FER1L6: variants seen among roughly 807,000 people sequenced by gnomAD.
FER1L6 encodes fer-1-like protein 6.
Under a neutral mutation model 219.2 loss-of-function variants are expected in FER1L6, and 177 were observed. The observed-to-expected ratio is 0.81, with a 90% confidence interval of 0.71 to 0.91. The LOEUF (loss-of-function observed/expected upper bound fraction) is 0.91, where lower values mean the gene tolerates loss of function less well. Ranked by LOEUF, FER1L6 falls within the 40% of genes least tolerant of loss-of-function variation. The pLI, the probability that FER1L6 is intolerant of heterozygous loss-of-function variation, is 0.00. For synonymous variants in FER1L6, 768 were observed against 824.3 expected (o/e 0.93, Z 1.17); for missense variants, 2,153 against 2,259.9 (o/e 0.95, Z 0.96).
chr8:124,072,166 GA>G (rs1821107770), intron 31 of FER1L6, among the ~76,000 whole-genome samples: 1 of 152,190 alleles, frequency 6.6e-6, no homozygotes, highest in Admixed American at 6.5e-5. Flanking sequence ...AGGGAAGCAG[GA>G]AACTACAGGA....
intron 1 of FER1L6, among the ~76,000 whole-genome samples, chr8:123,940,422 C>T (rs1814191795): frequency 6.6e-6 from 1 of 152,146 alleles, no homozygotes; most frequent in African/African-American, 2.4e-5. Context: ...ACTGCAACCT[C>T]CGCCTCCCAA....
intron 11 of FER1L6, among the ~76,000 whole-genome samples, chr8:123,981,023 C>T (rs1187223014): frequency 2.6e-5 from 4 of 152,154 alleles, no homozygotes; most frequent in African/African-American, 9.7e-5. Flanking sequence ...TTTGAATCCC[C>T]CACTCCCCCA....
chr8:124,005,029 T>C (rs1176364296), intron 13 of FER1L6, among the ~76,000 whole-genome samples: 1 of 152,072 alleles, frequency 6.6e-6, no homozygotes, highest in Non-Finnish European at 1.5e-5. Flanking sequence ...AACTGTTCTC[T>C]TTTCCTTCCT....
intron 1 of FER1L6, among the ~76,000 whole-genome samples, chr8:123,878,421 T>C (rs528504521): frequency 4.6e-5 from 7 of 152,318 alleles, no homozygotes; most frequent in African/African-American, 1.7e-4. Context: ...AATTTCATCA[T>C]TGTGGCCCAA....
intron 20 of FER1L6, among the ~76,000 whole-genome samples, chr8:124,043,651 C>T (rs759066535): frequency 5.9e-5 from 9 of 151,992 alleles, no homozygotes; most frequent in Non-Finnish European, 1.0e-4. Flanking sequence ...GCGTGGATTT[C>T]GACTGAGGCA....
chr8:124,073,806 A>G (rs1361290675), intron 31 of FER1L6, among the ~76,000 whole-genome samples: 2 of 152,242 alleles, frequency 1.3e-5, no homozygotes, highest in Non-Finnish European at 2.9e-5. Context: ...TTAAGAAGAT[A>G]TAAAATAAAC....
intron 33 of FER1L6, among the ~76,000 whole-genome samples, chr8:124,087,099 C>T (rs1260959180): frequency 1.3e-5 from 2 of 152,040 alleles, no homozygotes; most frequent in African/African-American, 4.8e-5. Context: ...GTTCTATAAC[C>T]TTCTTGTACT....
Position 123,853,167 on chromosome 8 carries a change from CT to C in FER1L6, c.-8+989del, listed in dbSNP as rs113010872. On this transcript the variant is annotated intron_variant, in intron 1 of 40. Coordinates refer to ENST00000522917, the MANE Select transcript of FER1L6 (RefSeq NM_001039112.2). This position sits in a 1 kb window ranked among gnomAD's most constrained non-coding sequence, Gnocchi z 6.6. ...CCTCAGACTTTAAAATAGACGAAAT[CT>C]TTTTTTGAGACAGTCTCACTCTATA... is the stretch of plus-strand genomic sequence containing the variant. Among the ~76,000 whole-genome samples the C allele has an allele frequency of 6.6e-6, 1 of 151,652 alleles. No homozygotes were observed. The highest frequency in any genetic ancestry group is 1.5e-5 in the Non-Finnish European group (1 of 67,916).
Position 124,070,602 on chromosome 8 carries a change from G to A in FER1L6, c.3966+4G>A. 1.9e-6 allele frequency: 3 copies of A among 1,572,012 alleles called. No individual in the cohort carries two copies. Among genetic ancestry groups the A allele is most frequent in the Middle Eastern group, 1.7e-4 (1 of 5,826 alleles). On this transcript the variant is annotated splice_donor_region_variant and intron_variant, in intron 30 of 40. Coordinates refer to ENST00000522917, the MANE Select transcript of FER1L6 (RefSeq NM_001039112.2). ...CCGAGTCATAGGAAAATTTAAGGCA[G>A]GTTCCATTTTTAATCCTTTTATTTG... is the stretch of plus-strand genomic sequence containing the variant.
chr8:123,886,392 G>A (rs1817203550), intron 1 of FER1L6, among the ~76,000 whole-genome samples: 1 of 152,162 alleles, frequency 6.6e-6, no homozygotes, highest in African/African-American at 2.4e-5. Flanking sequence ...ATTATTCTCT[G>A]AGAGAGTGAG....
At position 124,061,861 on chromosome 8, in the gene FER1L6, G is replaced by A. The variant is rs1221283360; in HGVS notation, c.3157G>A (p.Glu1053Lys). Reference protein sequence around the residue: ...QADAFEVELPENELLHPPLSI... With the variant: ...QADAFEVELPKNELLHPPLSI... ...CATCCTCTCTCTGCAGGAACTGCCTGAGAACGAGCTTCTGCACCCGCCACT... is the reference window on the plus strand; with the variant it reads ...CATCCTCTCTCTGCAGGAACTGCCTAAGAACGAGCTTCTGCACCCGCCACT... The change falls in exon 25 of 41, where the codon GAG (glutamate) becomes AAG (lysine). Residue 1053 changes from glutamate (E) to lysine (K), a missense_variant. Transcript: ENST00000522917. 2 of 1,613,480 alleles carry A rather than the reference G, an allele frequency of 1.2e-6. No individual in the cohort carries two copies. The highest frequency in any genetic ancestry group is 1.7e-6 in the Non-Finnish European group (2 of 1,179,982).
At chr8:123,855,788 G>GTGTA (rs1350214704) in intron 1 of FER1L6, among the ~76,000 whole-genome samples, 1 of 143,878 alleles carries the variant, frequency 7.0e-6, no homozygotes, top group Non-Finnish European at 1.5e-5. Context: ...GTGTGTGTGT[G>GTGTA]TATATATATA....
chr8:123,960,905 A>G (rs1402402774), intron 2 of FER1L6, among the ~76,000 whole-genome samples: 2 of 152,184 alleles, frequency 1.3e-5, no homozygotes, highest in East Asian at 1.9e-4. Flanking sequence ...GCTACTCAAA[A>G]TTGACCTGCA....
chr8:124,030,865 C>T (rs1818932168), intron 18 of FER1L6, among the ~76,000 whole-genome samples: 1 of 152,160 alleles, frequency 6.6e-6, no homozygotes, highest in Non-Finnish European at 1.5e-5. Flanking sequence ...CCTTCTCTCA[C>T]TTGCCAAGAC....
intron 18 of FER1L6, among the ~76,000 whole-genome samples, chr8:124,033,487 C>T (rs1819060374): frequency 6.6e-6 from 1 of 151,772 alleles, no homozygotes; most frequent in African/African-American, 2.4e-5. Flanking sequence ...ACAAAATAAA[C>T]TTACTTGATT....
intron 1 of FER1L6, among the ~76,000 whole-genome samples, chr8:123,950,793 G>A (rs1372853232): frequency 1.3e-5 from 2 of 152,116 alleles, no homozygotes; most frequent in Non-Finnish European, 2.9e-5. Flanking sequence ...AGAATGAACT[G>A]CCTCCCGTGA....
chr8:124,046,156 C>T (rs1563763708), intron 21 of FER1L6: 2 of 392,306 alleles, frequency 5.1e-6, no homozygotes, highest in South Asian at 3.9e-5. Flanking sequence ...GTTTACAGAA[C>T]GTCAGTCTAC....
At chr8:123,886,227 C>G (rs1453898198) in intron 1 of FER1L6, among the ~76,000 whole-genome samples, 3 of 152,036 alleles carry the variant, frequency 2.0e-5, no homozygotes, top group Non-Finnish European at 4.4e-5. Context: ...ATGGTTTGTC[C>G]CCACCTACAC....
intron 34 of FER1L6, among the ~76,000 whole-genome samples, chr8:124,092,199 T>G (rs929732866): frequency 1.3e-5 from 2 of 152,210 alleles, no homozygotes; most frequent in African/African-American, 4.8e-5. Flanking sequence ...TTATAATGAT[T>G]CTCCTTTGTT....
Sources: allele counts gnomAD v4.1 joint callset (sites outside exome capture counted in the v4.1 genomes callset), GRCh38; gene constraint gnomAD v4.1.1; non-coding constraint Gnocchi (gnomAD v3.1); transcripts MANE v1.5; gene names NCBI Gene and HGNC (gene_info 2026-07-23, HGNC 2026-07-21).